Variants in VSTM2A observed in about 807,000 individuals in gnomAD.
VSTM2A encodes the protein V-set and transmembrane domain-containing protein 2A.
A neutral mutation model predicts 27.3 loss-of-function variants in VSTM2A; 13 were observed. That is an observed-to-expected ratio of 0.48 (90% CI 0.31 to 0.76). VSTM2A has a LOEUF of 0.76. VSTM2A is among the 30% of genes least tolerant of loss of function. The probability of loss-of-function intolerance (pLI) is 0.05; values close to 1 mark genes in which losing one functional copy is unlikely to be tolerated. For synonymous variants in VSTM2A, 142 were observed against 125.7 expected (o/e 1.13, Z -0.87); for missense variants, 280 against 310.0 (o/e 0.90, Z 0.73).
intron 4 of VSTM2A, among the ~76,000 whole-genome samples, chr7:54,568,293 C>G (rs917152372): frequency 6.6e-6 from 1 of 152,176 alleles, no homozygotes; most frequent in Non-Finnish European, 1.5e-5. Flanking sequence ...TTACCCCCTT[C>G]GAACACATTT....
intron 4 of VSTM2A, chr7:54,550,507 A>T (rs1040405288): frequency 2.2e-6 from 1 of 455,824 alleles, no homozygotes; most frequent in African/African-American, 2.0e-5. Flanking sequence ...TTCTCTACAG[A>T]TTTATGTATC....
intron 4 of VSTM2A, 94 bp downstream of exon 4, chr7:54,550,264 A>T (rs773080597): frequency 6.6e-7 from 1 of 1,522,660 alleles, no homozygotes. Context: ...ATGAATGGTG[A>T]TTTTTAAAAT....
At chr7:54,566,126 G>A (rs769765388) in intron 4 of VSTM2A, among the ~76,000 whole-genome samples, 4 of 152,162 alleles carry the variant, frequency 2.6e-5, no homozygotes, top group Non-Finnish European at 5.9e-5. Flanking sequence ...GCAAATGAAA[G>A]GCATCATGAT....
At chr7:54,544,588 G>C in intron 1 of VSTM2A, 34 bp from the exon 2 acceptor site, 1 of 1,612,534 alleles carries the variant, frequency 6.2e-7, no homozygotes, top group Non-Finnish European at 8.5e-7. Context: ...AGAGGGGTGT[G>C]GATATTCCAA....
chr7:54,546,928 G>T lies in VSTM2A; in HGVS notation c.247-19G>T. 6.3e-7 allele frequency: 1 copy of T among 1,598,852 alleles called. No individual in the cohort carries two copies. Among genetic ancestry groups the T allele is most frequent in the African/African-American group, 1.4e-5 (1 of 73,114 alleles). On this transcript the variant is annotated intron_variant, in intron 2 of 4. Transcript: ENST00000402613. ...GGGCGGGCCTGGCGCGGGACTGAGC[G>T]TTCGCTCCTTGCCCGCAGGTGGAGC...
chr7:54,556,478 C>A (rs1788363839), intron 4 of VSTM2A, among the ~76,000 whole-genome samples: 1 of 152,088 alleles, frequency 6.6e-6, no homozygotes, highest in African/African-American at 2.4e-5. Flanking sequence ...GTGCTTGTCT[C>A]ATTTAATATG....
At chr7:54,562,084 C>T (rs1476989714) in intron 4 of VSTM2A, among the ~76,000 whole-genome samples, 1 of 152,022 alleles carries the variant, frequency 6.6e-6, no homozygotes, top group Non-Finnish European at 1.5e-5. Context: ...CCACCACGCC[C>T]AGCTAATTTT....
At chr7:54,567,947 A>G (rs17172354) in intron 4 of VSTM2A, among the ~76,000 whole-genome samples, 20,640 of 152,022 alleles carry the variant, frequency 0.14, 2,559 homozygotes, top group African/African-American at 0.32. Context: ...GCATTTTTTG[A>G]AACTTGTCAC....
chr7:54,553,960 C>G, intron 4 of VSTM2A: 3 of 1,552,300 alleles, frequency 1.9e-6, no homozygotes, highest in Non-Finnish European at 2.6e-6. Flanking sequence ...TCTACTGACC[C>G]CCTTCCCACC....
chr7:54,565,140 A>G (rs990741674), intron 4 of VSTM2A, among the ~76,000 whole-genome samples: 1 of 138,046 alleles, frequency 7.2e-6, no homozygotes, highest in Admixed American at 7.4e-5. Flanking sequence ...TGCTTGCCTC[A>G]GGTGGTTTCC....
At position 54,546,816 on chromosome 7, in the gene VSTM2A, C is replaced by A. The variant is rs1788007497; in HGVS notation, c.247-131C>A. On this transcript the variant is annotated intron_variant, in intron 2 of 4. Coordinates refer to ENST00000402613, the MANE Select transcript of VSTM2A (RefSeq NM_001301009.2). ...GTCTGGGCCTGGACAGGGGTGGCCA[C>A]GCCCCTGGTCGCTCCCCTGTCCCCA... 6.5e-6 allele frequency: 7 copies of A among 1,078,800 alleles called. No individual in the cohort carries two copies. In the Middle Eastern group the frequency reaches 8.1e-4, roughly 125 times the overall value. 66.8% of individuals were successfully genotyped at this position (1,078,800 alleles called of 1,614,324 possible). A position where few individuals can be genotyped will look rare whatever the true frequency, so the allele number is the denominator to read the frequency against.
At position 54,569,284 on chromosome 7, in the gene VSTM2A, A is replaced by T; in HGVS notation, c.*65A>T. The T allele has an allele frequency of 6.5e-7, 1 of 1,539,780 alleles. No individual in the cohort carries two copies. The highest frequency in any genetic ancestry group is 8.8e-7 in the Non-Finnish European group (1 of 1,141,556). On this transcript the variant is annotated 3_prime_UTR_variant, in exon 5 of 5. Coordinates refer to ENST00000402613, the MANE Select transcript of VSTM2A (RefSeq NM_001301009.2). The stretch of plus-strand genomic sequence containing the variant: ...GAAGAGGCTATCACATGCTTTGTTG[A>T]TCATATTTTCTTTGGCAAAACACTG...
intron 4 of VSTM2A, chr7:54,558,603 A>G (rs1584060002): frequency 1.3e-5 from 2 of 152,282 alleles, no homozygotes; most frequent in East Asian, 1.9e-4. Flanking sequence ...CAAAATAACT[A>G]TTATTTAAGA....
At chr7:54,563,290 A>G (rs1005188900) in intron 4 of VSTM2A, among the ~76,000 whole-genome samples, 3 of 152,184 alleles carry the variant, frequency 2.0e-5, no homozygotes, top group Non-Finnish European at 1.5e-5. Flanking sequence ...ACTACCTACT[A>G]GTTGAATAAA....
chr7:54,568,895 C>G, intron 4 of VSTM2A: 1 of 1,181,806 alleles, frequency 8.5e-7, no homozygotes, highest in Non-Finnish European at 1.2e-6. Flanking sequence ...TTCATGAGCA[C>G]CAGAGCCAAG....
chr7:54,560,001 T>C (rs989851499), intron 4 of VSTM2A: 4 of 152,310 alleles, frequency 2.6e-5, no homozygotes, highest in African/African-American at 9.6e-5. Flanking sequence ...TTTTTATTGT[T>C]TTGCTTGTTT....
intron 2 of VSTM2A, among the ~76,000 whole-genome samples, chr7:54,545,873 A>G (rs541593880): frequency 1.4e-3 from 160 of 118,384 alleles, no homozygotes; most frequent in African/African-American, 5.0e-3. Flanking sequence ...AGTGGGAAGC[A>G]GAGAAGGAGA....
intron 4 of VSTM2A, among the ~76,000 whole-genome samples, chr7:54,566,583 G>A (rs1368585811): frequency 2.6e-5 from 4 of 152,076 alleles, no homozygotes; most frequent in Non-Finnish European, 5.9e-5. Flanking sequence ...TGTATTAAGG[G>A]GAAAACATTA....
At position 54,555,433 on chromosome 7, in the gene VSTM2A, C is replaced by T. The variant is rs532486286; in HGVS notation, c.634+5263C>T. ...CTGAATGTTTTCAGATATTTTGTTA[C>T]CTCTATGGCTTTGCAAATGCTGTTT... On this transcript the variant is annotated intron_variant, in intron 4 of 4. Coordinates refer to ENST00000402613, the MANE Select transcript of VSTM2A (RefSeq NM_001301009.2). 5.3e-5 allele frequency among the ~76,000 whole-genome samples: 8 copies of T among 152,228 alleles called. No individual in the cohort carries two copies. In the East Asian group the frequency reaches 9.7e-4, roughly 18 times the overall value.
Sources: allele counts gnomAD v4.1 joint callset (sites outside exome capture counted in the v4.1 genomes callset), GRCh38; gene constraint gnomAD v4.1.1; transcripts MANE v1.5; gene names NCBI Gene and HGNC (gene_info 2026-07-23, HGNC 2026-07-21).